GUCY1B1: variants seen among roughly 807,000 people sequenced by gnomAD.
The protein encoded by GUCY1B1 is guanylate cyclase soluble subunit beta-1.
GUCY1B1 carries 43 observed loss-of-function variants against 71.0 expected under a neutral mutation model. The observed-to-expected ratio is 0.61, with a 90% CI of 0.47 to 0.78. The LOEUF is 0.78. GUCY1B1 is among the 30% of genes least tolerant of loss of function. The probability of loss-of-function intolerance (pLI) is 0.00; values close to 1 mark genes in which losing one functional copy is unlikely to be tolerated. For missense variants in GUCY1B1, 535 were observed against 754.1 expected (o/e 0.71, Z 3.40); for synonymous variants, 266 against 259.7 (o/e 1.02, Z -0.23).
chr4:155,771,026 A>T lies in GUCY1B1; in HGVS notation c.78-3942A>T, dbSNP rs1004908916. Among the ~76,000 whole-genome samples the T allele has an allele frequency of 2.6e-5, 4 of 152,310 alleles. No individual in the cohort carries two copies. The East Asian group carries it at 7.7e-4, about 29-fold the overall frequency. ...ATCTTTACCTCTTTTGTTCATTGAT[A>T]TATTAAAAGTGCTTAGAAAAGTGCT... On this transcript the variant is annotated intron_variant, in intron 2 of 13. Coordinates refer to ENST00000264424, the MANE Select transcript of GUCY1B1 (RefSeq NM_000857.5).
chr4:155,783,930 G>T (rs2111077260), intron 4 of GUCY1B1, among the ~76,000 whole-genome samples: 1 of 152,126 alleles, frequency 6.6e-6, no homozygotes, highest in Non-Finnish European at 1.5e-5. Flanking sequence ...AACTTATGAA[G>T]GAAGATAAGA....
chr4:155,759,134 A>T lies in GUCY1B1; in HGVS notation c.-7A>T. The T allele has an allele frequency of 6.3e-7, 1 of 1,592,696 alleles. No individual in the cohort carries two copies. Among genetic ancestry groups the T allele is most frequent in the Non-Finnish European group, 8.5e-7 (1 of 1,170,466 alleles). On this transcript the variant is annotated 5_prime_UTR_variant, in exon 1 of 14. It introduces an in-frame stop codon into an upstream open reading frame of the 5' UTR. Coordinates refer to ENST00000264424, the MANE Select transcript of GUCY1B1 (RefSeq NM_000857.5). ...GGGCTGCCTCCCCGGCTCCCGGTGC[A>T]GACACCATGGTAAGTGCTCTCAGCC... is the stretch of plus-strand genomic sequence containing the variant.
chr4:155,784,566 A>G (rs1475957296), intron 4 of GUCY1B1, among the ~76,000 whole-genome samples: 2 of 152,104 alleles, frequency 1.3e-5, no homozygotes, highest in Non-Finnish European at 2.9e-5. Flanking sequence ...GAAATACTAT[A>G]CCTCATCCTC....
rs780906954 is a variant in GUCY1B1, at chr4:155,804,582, C to A, written c.1555-11C>A. Reference sequence around the variant, plus strand: ...ATCAAAATGATTGAAGCAAAGCTTTCTTTTTTGCAGATAACAATAGGGATA... The same window carrying A: ...ATCAAAATGATTGAAGCAAAGCTTTATTTTTTGCAGATAACAATAGGGATA... On this transcript the variant is annotated splice_polypyrimidine_tract_variant and intron_variant, in intron 11 of 13. Transcript: ENST00000264424. 1 of 1,591,980 alleles carries A rather than the reference C, an allele frequency of 6.3e-7. No individual in the cohort carries two copies. Among genetic ancestry groups the A allele is most frequent in the South Asian group, 1.2e-5 (1 of 86,812 alleles).
chr4:155,783,639 T>G (rs888155536), intron 4 of GUCY1B1, among the ~76,000 whole-genome samples: 4 of 152,172 alleles, frequency 2.6e-5, no homozygotes, highest in Non-Finnish European at 5.9e-5. Flanking sequence ...AGGTTTTGAC[T>G]TATTAAATAC....
intron 4 of GUCY1B1, among the ~76,000 whole-genome samples, chr4:155,778,866 A>G (rs751582291): frequency 2.0e-5 from 3 of 152,238 alleles, no homozygotes; most frequent in Non-Finnish European, 4.4e-5. Context: ...GCCACTATCA[A>G]CTTATAGCAA....
chr4:155,773,632 T>C (rs1043684762), intron 2 of GUCY1B1, among the ~76,000 whole-genome samples: 95 of 152,212 alleles, frequency 6.2e-4, no homozygotes, highest in African/African-American at 2.2e-3. Flanking sequence ...CAGCTACTGG[T>C]GACAACATCC....
chr4:155,759,835 G>T lies in GUCY1B1; in HGVS notation c.52G>T (p.Gly18Cys). The change falls in exon 2 of 14, where the codon GGC becomes TGC. Residue 18 changes from glycine (G) to cysteine (C), a missense_variant. Gly to Cys is a radical substitution (Grantham distance 159, BLOSUM62 -3). Transcript: ENST00000264424. ...GGAGTTGCTGGTGATCCGCAATTAC[G>T]GCCCCGAGGTGTGGGAAGACATCAA... Reference protein sequence around the residue: ...ALELLVIRNYGPEVWEDIKKE... With the variant: ...ALELLVIRNYCPEVWEDIKKE... 6.2e-7 allele frequency: 1 copy of T among 1,612,890 alleles called. No homozygotes were observed. The highest frequency in any genetic ancestry group is 8.5e-7 in the Non-Finnish European group (1 of 1,179,292).
At chr4:155,795,280 A>G in intron 6 of GUCY1B1, 61 bp from the exon 7 acceptor site, 1 of 785,642 alleles carries the variant, frequency 1.3e-6, no homozygotes, top group Non-Finnish European at 2.2e-6. Flanking sequence ...AGCGATTAAT[A>G]TCAAAGTATA....
chr4:155,771,130 A>G (rs997990433), intron 2 of GUCY1B1, among the ~76,000 whole-genome samples: 20 of 152,338 alleles, frequency 1.3e-4, no homozygotes, highest in African/African-American at 4.8e-4. Flanking sequence ...GTAGCCCCAC[A>G]TTCCCAAAGA....
rs181326397 is a variant in GUCY1B1 at position 155,763,149 on chromosome 4, G to A, written c.77+3289G>A. On this transcript the variant is annotated intron_variant, in intron 2 of 13. Transcript: ENST00000264424. ...CAGCCCTGACTAAACTCATCATTGC[G>A]TCAAATTACTGGGTTTAATTTTAGA... Among the ~76,000 whole-genome samples, 240 of 152,180 alleles carry A rather than the reference G, an allele frequency of 1.6e-3. 6 individuals carry two copies. The highest frequency in any genetic ancestry group is 0.014 in the Admixed American group (221 of 15,282).
At chr4:155,804,290 C>T (rs1008044547) in intron 11 of GUCY1B1, among the ~76,000 whole-genome samples, 2 of 152,098 alleles carry the variant, frequency 1.3e-5, no homozygotes, top group South Asian at 2.1e-4. Flanking sequence ...CATGTTCTCA[C>T]TCATAAGTTG....
intron 4 of GUCY1B1, among the ~76,000 whole-genome samples, chr4:155,779,266 G>T (rs930781344): frequency 6.6e-6 from 1 of 152,116 alleles, no homozygotes; most frequent in Non-Finnish European, 1.5e-5. Flanking sequence ...TCCAGCCTGG[G>T]TGACAGAGTG....
intron 8 of GUCY1B1, among the ~76,000 whole-genome samples, chr4:155,799,175 T>A (rs571875417): frequency 6.6e-6 from 1 of 152,306 alleles, no homozygotes; most frequent in African/African-American, 2.4e-5. Context: ...ACTTTTTACT[T>A]GTCAGATTAT....
Position 155,793,965 on chromosome 4 carries a change from G to C in GUCY1B1, c.605G>C (p.Gly202Ala). The C allele has an allele frequency of 1.2e-6, 2 of 1,605,188 alleles. No homozygotes were observed. The highest frequency in any genetic ancestry group is 1.7e-6 in the Non-Finnish European group (2 of 1,171,926). ...GATCTTGACAGATTTGAAGAAAATGGTACCCAGGAATCACGCATCAGCCCA... is the reference window on the plus strand; with the variant it reads ...GATCTTGACAGATTTGAAGAAAATGCTACCCAGGAATCACGCATCAGCCCA... Reference protein sequence around the residue: ...YEDLDRFEENGTQESRISPYT... With the variant: ...YEDLDRFEENATQESRISPYT... Residue 202 changes from glycine (G) to alanine (A), a missense_variant, in exon 6 of 14, where the codon GGT becomes GCT. By Grantham distance (60) the Gly-to-Ala change is moderately conservative. Transcript: ENST00000264424.
rs929976731 is a variant in GUCY1B1 at position 155,767,568 on chromosome 4, T to G, written c.78-7400T>G. On this transcript the variant is annotated intron_variant, in intron 2 of 13. Coordinates refer to ENST00000264424, the MANE Select transcript of GUCY1B1 (RefSeq NM_000857.5). ...CCTAAAACTAAGGTATGGGTGTCAC[T>G]CAGGAGAGTATTTATTGTTACTGTT... is the stretch of plus-strand genomic sequence containing the variant. 3.3e-5 allele frequency among the ~76,000 whole-genome samples: 5 copies of G among 152,112 alleles called. No homozygotes were observed. The East Asian group carries it at 9.6e-4, about 29-fold the overall frequency.
At position 155,802,685 on chromosome 4, in the gene GUCY1B1, C is replaced by T. The variant is rs955936986; in HGVS notation, c.1413+106C>T. ...AGCTCTCTGACTCCAGCACTGCAGC[C>T]TTGAGTACAGTGAGCCTCCATGTAT... On this transcript the variant is annotated intron_variant, in intron 10 of 13. Transcript: ENST00000264424. This position sits in a 1 kb window ranked among gnomAD's most constrained non-coding sequence, Gnocchi z 4.3. 5.4e-6 allele frequency: 5 copies of T among 934,536 alleles called. No individual in the cohort carries two copies. The highest frequency in any genetic ancestry group is 7.9e-6 in the Non-Finnish European group (5 of 629,362). 57.9% of individuals were successfully genotyped at this position (934,536 alleles called of 1,614,324 possible). A position where few individuals can be genotyped will look rare whatever the true frequency, so the allele number is the denominator to read the frequency against.
At chr4:155,772,447 C>G (rs1310162983) in intron 2 of GUCY1B1, among the ~76,000 whole-genome samples, 1 of 152,162 alleles carries the variant, frequency 6.6e-6, no homozygotes, top group African/African-American at 2.4e-5. Context: ...CAGGATCTGG[C>G]TCTGTTGCCC....
At position 155,806,693 on chromosome 4, in the gene GUCY1B1, G is replaced by T; in HGVS notation, c.*284G>T. On this transcript the variant is annotated 3_prime_UTR_variant, in exon 14 of 14. Transcript: ENST00000264424. ...ATCTACTACAAGCATTACCTAACAT[G>T]GTGATCTGCAAGTAGTAGGCACCCA... The T allele has an allele frequency of 2.8e-6, 1 of 362,728 alleles. No individual in the cohort carries two copies. Among genetic ancestry groups the T allele is most frequent in the East Asian group, 4.3e-5 (1 of 23,502 alleles). 22.5% of individuals were successfully genotyped at this position (362,728 alleles called of 1,614,324 possible). A position where few individuals can be genotyped will look rare whatever the true frequency, so the allele number is the denominator to read the frequency against.
Sources: allele counts gnomAD v4.1 joint callset (sites outside exome capture counted in the v4.1 genomes callset), GRCh38; gene constraint gnomAD v4.1.1; non-coding constraint Gnocchi (gnomAD v3.1); transcripts MANE v1.5; gene names NCBI Gene and HGNC (gene_info 2026-07-23, HGNC 2026-07-21).